ALDH1A1: variants seen among roughly 807,000 people sequenced by gnomAD.
ALDH1A1 encodes aldehyde dehydrogenase 1A1.
ALDH1A1 carries 19 observed loss-of-function variants against 62.1 expected under a neutral mutation model. The ratio of observed to expected loss-of-function variants is 0.31; its 90% CI spans 0.21 to 0.45. ALDH1A1 has a LOEUF of 0.45. Among genes scored for constraint, ALDH1A1 ranks in the 20% least tolerant of loss-of-function variants. The probability of loss-of-function intolerance (pLI) is 1.00; values close to 1 mark genes in which losing one functional copy is unlikely to be tolerated. For synonymous variants in ALDH1A1, 231 were observed against 215.9 expected, an observed-to-expected ratio of 1.07 and a Z score of -0.61; for missense variants, 521 against 607.1, an observed-to-expected ratio of 0.86 and a Z score of 1.49.
chr9:72,951,518 A>C (rs1830544297), intron 1 of ALDH1A1, among the ~76,000 whole-genome samples: 1 of 151,800 alleles, frequency 6.6e-6, no homozygotes, highest in South Asian at 2.1e-4. Context: ...TTAAAAAAAA[A>C]ATCCCATTAA....
chr9:72,946,751 C>G (rs969459653), intron 1 of ALDH1A1, among the ~76,000 whole-genome samples: 2 of 151,902 alleles, frequency 1.3e-5, no homozygotes, highest in African/African-American at 2.4e-5. Context: ...TGCACCCCCC[C>G]ACACCACCAT....
chr9:72,935,332 A>T (rs1830335052), intron 2 of ALDH1A1, among the ~76,000 whole-genome samples: 1 of 152,162 alleles, frequency 6.6e-6, no homozygotes. Flanking sequence ...TGCTTATAGC[A>T]CTGAAAATGC....
At chr9:72,934,403 T>A (rs1157155527) in intron 2 of ALDH1A1, among the ~76,000 whole-genome samples, 1 of 152,212 alleles carries the variant, frequency 6.6e-6, no homozygotes, top group Non-Finnish European at 1.5e-5. Context: ...TTTTATCTTA[T>A]CACTTTGTCT....
At chr9:72,918,871 A>C in intron 7 of ALDH1A1, 49 bp from the exon 8 acceptor site, 1 of 1,378,744 alleles carries the variant, frequency 7.3e-7, no homozygotes, top group Non-Finnish European at 1.0e-6. Flanking sequence ...TCTCATGAAC[A>C]CAGGTTGCTT....
At chr9:72,911,876 G>GAATTTTA (rs1829994533) in intron 10 of ALDH1A1, 82 bp downstream of exon 10, 1 of 1,487,248 alleles carries the variant, frequency 6.7e-7, no homozygotes, top group African/African-American at 1.4e-5. Flanking sequence ...AAAGAGCTGG[G>GAATTTTA]AATTTTAAAG....
chr9:72,903,352 C>G (rs1402299071), intron 12 of ALDH1A1, among the ~76,000 whole-genome samples: 3 of 152,036 alleles, frequency 2.0e-5, no homozygotes, highest in African/African-American at 4.8e-5. Flanking sequence ...TTTGCATACT[C>G]TGTATCACCT....
Position 72,924,147 on chromosome 9 carries a change from GT to G in ALDH1A1, c.634-16del, listed in dbSNP as rs772573615. ...GGAAACCCTGCCTAAAAGATAAAAAGTTTAAAAGTTACAGTATAAGAATTTA... is the reference window on the plus strand; with the variant it reads ...GGAAACCCTGCCTAAAAGATAAAAAGTTAAAAGTTACAGTATAAGAATTTA... On this transcript the variant is annotated splice_polypyrimidine_tract_variant and intron_variant, in intron 6 of 12. Coordinates refer to ENST00000297785, the MANE Select transcript of ALDH1A1 (RefSeq NM_000689.5). 2.5e-5 allele frequency: 39 copies of G among 1,569,564 alleles called. No homozygotes were observed. The highest frequency in any genetic ancestry group is 2.4e-4 in the Admixed American group (13 of 55,144).
At chr9:72,923,703 A>G (rs1830168686) in intron 7 of ALDH1A1, 1 of 190,108 alleles carries the variant, frequency 5.3e-6, no homozygotes, top group Admixed American at 6.1e-5. Context: ...ATTCATACAA[A>G]TCACTATGGC....
chr9:72,909,650 A>G lies in ALDH1A1; in HGVS notation c.1310T>C (p.Ile437Thr), dbSNP rs200885470. The change falls in exon 11 of 13, where the codon ATT becomes ACT. Residue 437 changes from isoleucine (I) to threonine (T), a missense_variant. By Grantham distance (89) the Ile-to-Thr change is moderately conservative. Transcript: ENST00000297785. ...GLSAGVFTKD[I>T]DKAITISSAL... is the part of the protein sequence containing the mutation. ...AGAGGAGATTGTTATGGCTTTATCAATGTCTTTGGTAAACACTCCTGCTGA... is the reference window on the plus strand; with the variant it reads ...AGAGGAGATTGTTATGGCTTTATCAGTGTCTTTGGTAAACACTCCTGCTGA... 1.7e-5 allele frequency: 28 copies of G among 1,614,020 alleles called. No individual in the cohort carries two copies. The highest frequency in any genetic ancestry group is 2.7e-5 in the African/African-American group (2 of 75,022).
At chr9:72,951,684 CT>C (rs1483528756) in intron 1 of ALDH1A1, among the ~76,000 whole-genome samples, 1 of 151,874 alleles carries the variant, frequency 6.6e-6, no homozygotes, top group African/African-American at 2.4e-5. Context: ...TTGGACATAC[CT>C]TTGCCAAATG....
Position 72,927,098 on chromosome 9 carries a change from T to C in ALDH1A1, c.504+18A>G. Reference sequence around the variant, plus strand: ...CTCTTCTTTTTAAAATTGAGAATTATATAGGAGAAAAGCTTACAGGAATGA... The same window carrying C: ...CTCTTCTTTTTAAAATTGAGAATTACATAGGAGAAAAGCTTACAGGAATGA... On this transcript the variant is annotated intron_variant, in intron 5 of 12. Coordinates refer to ENST00000297785, the MANE Select transcript of ALDH1A1 (RefSeq NM_000689.5). 6.4e-7 allele frequency: 1 copy of C among 1,571,120 alleles called. No homozygotes were observed. Among genetic ancestry groups the C allele is most frequent in the Non-Finnish European group, 8.7e-7 (1 of 1,151,244 alleles).
chr9:72,926,624 T>C (rs1319458186), intron 5 of ALDH1A1, among the ~76,000 whole-genome samples: 1 of 152,228 alleles, frequency 6.6e-6, no homozygotes, highest in Non-Finnish European at 1.5e-5. Flanking sequence ...GCCTCTGGTA[T>C]TCTTTTTTCC....
chr9:72,942,182 T>C (rs1248585265), intron 1 of ALDH1A1: 1 of 562,126 alleles, frequency 1.8e-6, no homozygotes, highest in Admixed American at 6.4e-5. Context: ...ACTCTAGCTA[T>C]CAGAAATACA....
In ALDH1A1 at chr9:72,905,854, C is replaced by A. The variant is rs934328235; in HGVS notation, c.1433+104G>T. The A allele has an allele frequency of 7.8e-6, 7 of 897,238 alleles. No individual in the cohort carries two copies. In the East Asian group the frequency reaches 1.9e-4, roughly 24 times the overall value. The allele number at this position is 897,238 out of a possible 1,614,324, so 55.6% of individuals were successfully genotyped here. A position where few individuals can be genotyped will look rare whatever the true frequency, so the allele number is the denominator to read the frequency against. ...GGTGCTATGAATCTCCAGGAAAGAA[C>A]AGAGGCAGGTTTTATGTAAGGTGAA... On this transcript the variant is annotated intron_variant, in intron 12 of 12. Transcript: ENST00000297785.
intron 10 of ALDH1A1, among the ~76,000 whole-genome samples, chr9:72,911,142 A>C (rs1166747703): frequency 6.6e-6 from 1 of 152,144 alleles, no homozygotes; most frequent in Non-Finnish European, 1.5e-5. Flanking sequence ...TTATATATGT[A>C]TACAGACACA....
At chr9:72,902,214 C>T (rs1829813596) in intron 12 of ALDH1A1, among the ~76,000 whole-genome samples, 1 of 151,964 alleles carries the variant, frequency 6.6e-6, no homozygotes, top group African/African-American at 2.4e-5. Context: ...GACTGATTTA[C>T]CCCTTGTTGA....
At chr9:72,950,530 A>G (rs188420185) in intron 1 of ALDH1A1, among the ~76,000 whole-genome samples, 2 of 151,936 alleles carry the variant, frequency 1.3e-5, no homozygotes, top group Admixed American at 1.3e-4. Flanking sequence ...CAAAGAAATA[A>G]TCAGACTGTA....
intron 5 of ALDH1A1, 75 bp downstream of exon 5, chr9:72,927,041 A>G: frequency 9.3e-7 from 1 of 1,077,534 alleles, no homozygotes; most frequent in Admixed American, 2.3e-5. Flanking sequence ...CATCTGTTTT[A>G]GAGAAAGCTT....
intron 2 of ALDH1A1, among the ~76,000 whole-genome samples, chr9:72,938,504 T>G (rs1219758195): frequency 6.6e-6 from 1 of 152,206 alleles, no homozygotes; most frequent in African/African-American, 2.4e-5. Flanking sequence ...TGGACTGCAA[T>G]GATGCGATCT....
Sources: allele counts gnomAD v4.1 joint callset (sites outside exome capture counted in the v4.1 genomes callset), GRCh38; gene constraint gnomAD v4.1.1; transcripts MANE v1.5; gene names NCBI Gene and HGNC (gene_info 2026-07-23, HGNC 2026-07-21).